The following CUL9 variants were observed in gnomAD, a reference collection of about 807,000 sequenced individuals.
CUL9 encodes cullin-9.
A neutral mutation model predicts 272.6 loss-of-function variants in CUL9; 79 were observed. The ratio of observed to expected loss-of-function variants is 0.29; its 90% confidence interval spans 0.24 to 0.35. The LOEUF is 0.35. CUL9 is among the 10% of genes least tolerant of loss of function. The pLI is 1.00. For synonymous variants in CUL9, 1,186 were observed against 1,286.5 expected (o/e 0.92, Z 1.67); for missense variants, 2,532 against 3,255.6 (o/e 0.78, Z 5.41).
chr6:43,191,291 T>TGC (rs57289315), intron 8 of CUL9, among the ~76,000 whole-genome samples: 6 of 145,852 alleles, frequency 4.1e-5, no homozygotes, highest in Admixed American at 2.7e-4. Flanking sequence ...TGTGTGTGTG[T>TGC]GCGTGTTGTT....
In CUL9 at chr6:43,205,332, G is replaced by C. The variant is rs372203322; in HGVS notation, c.4702G>C (p.Val1568Leu). The change falls in exon 24 of 41, where the codon GTG becomes CTG. Residue 1568 changes from valine (V) to leucine (L), a missense_variant. Val to Leu is a conservative substitution (Grantham distance 32). Around this residue, in one of 3 missense-constraint regions of CUL9, gnomAD observed 2,218 missense variants for 2,788.6 expected, o/e 0.80. Transcript: ENST00000252050. ...TGGCCTGATTGGTGGAGCCCCTGGA[G>C]TGGAAATGCTGGGGCAGCTTCAGCG... is the stretch of plus-strand genomic sequence containing the variant. ...QGGLIGGAPG[V>L]EMLGQLQRHL... 1 of 1,614,220 alleles carries C rather than the reference G, an allele frequency of 6.2e-7. No homozygotes were observed. Among genetic ancestry groups the C allele is most frequent in the Non-Finnish European group, 8.5e-7 (1 of 1,180,038 alleles).
chr6:43,186,989 C>G lies in CUL9; in HGVS notation c.1281C>G (p.Tyr427Ter). 1.2e-6 allele frequency: 2 copies of G among 1,614,116 alleles called. No individual in the cohort carries two copies. The highest frequency in any genetic ancestry group is 2.2e-5 in the South Asian group (2 of 91,086). The change falls in exon 5 of 41, where the codon TAC becomes TAG. Residue 427 changes from tyrosine (Y) to a stop codon, truncating the protein, a stop_gained. Transcript: ENST00000252050. LOFTEE classifies it high-confidence loss of function. ...TCTGGCAGTCGACAGGCCGCACTTA[C>G]TGGGTGCACTGGCACATGCTGGAGA... ...QVFWQSTGRT[Y>*]WVHWHMLEIL...
chr6:43,199,424 A>G lies in CUL9; in HGVS notation c.3156+53A>G. On this transcript the variant is annotated intron_variant, in intron 13 of 40. Coordinates refer to ENST00000252050, the MANE Select transcript of CUL9 (RefSeq NM_015089.4). The surrounding 1 kb of genome is among the most constrained non-coding windows in gnomAD (Gnocchi z 4.4). ...AGGGAAGGGCAGCATCTGGGGCACC[A>G]ACTCCTTGTGAGGCTCTGGAGGGCA... The G allele has an allele frequency of 7.0e-7, 1 of 1,424,414 alleles. No homozygotes were observed. Among genetic ancestry groups the G allele is most frequent in the Admixed American group, 1.7e-5 (1 of 59,496 alleles). The allele number at this position is 1,424,414 out of a possible 1,614,324, so 88.2% of individuals were successfully genotyped here.
At chr6:43,216,903 G>T (rs9357409) in intron 31 of CUL9, among the ~76,000 whole-genome samples, 11,953 of 152,208 alleles carry the variant, frequency 0.079, 713 homozygotes, top group African/African-American at 0.17. Flanking sequence ...AGAGATATAC[G>T]TGTAAAATAG....
Position 43,223,724 on chromosome 6 carries a change from G to A in CUL9, c.7284+327G>A. 2.0e-6 allele frequency: 1 copy of A among 497,888 alleles called. No individual in the cohort carries two copies. Among genetic ancestry groups the A allele is most frequent in the Non-Finnish European group, 3.6e-6 (1 of 275,502 alleles). The allele number at this position is 497,888 out of a possible 1,614,324, so 30.8% of individuals were successfully genotyped here. A position where few individuals can be genotyped will look rare whatever the true frequency, so the allele number is the denominator to read the frequency against. Reference sequence around the variant, plus strand: ...ATAGGGATTTGAAATCCTAAGAGTGGGCATCAGGGGATTGGGGTCACTGGA... The same window carrying A: ...ATAGGGATTTGAAATCCTAAGAGTGAGCATCAGGGGATTGGGGTCACTGGA... On this transcript the variant is annotated intron_variant, in intron 39 of 40. Coordinates refer to ENST00000252050, the MANE Select transcript of CUL9 (RefSeq NM_015089.4). The surrounding 1 kb of genome is among the most constrained non-coding windows in gnomAD (Gnocchi z 4.1).
chr6:43,205,874 G>A, intron 24 of CUL9, 133 bp from the exon 25 acceptor site: 2 of 685,924 alleles, frequency 2.9e-6, no homozygotes, highest in East Asian at 2.7e-5. Context: ...TTGGTGGAAA[G>A]GGAGTGGGAA....
rs544052404 is a variant in CUL9, at chr6:43,215,421, G to T, written c.5936+95G>T. 9 of 1,473,332 alleles carry T rather than the reference G, an allele frequency of 6.1e-6. No individual in the cohort carries two copies. The South Asian group carries it at 1.1e-4, about 18-fold the overall frequency. 91.3% of individuals were successfully genotyped at this position (1,473,332 alleles called of 1,614,324 possible). A position where few individuals can be genotyped will look rare whatever the true frequency, so the allele number is the denominator to read the frequency against. ...GGAGAAACACTTCCCTTCTTTCTTT[G>T]TCTGATCCCCTTTTCCCTATCCCTG... On this transcript the variant is annotated intron_variant, in intron 30 of 40. Transcript: ENST00000252050.
chr6:43,204,768 C>G lies in CUL9; in HGVS notation c.4360C>G (p.Arg1454Gly). ...TRPFSKNSKG[R>G]DRSPAPSPVL... ...TACAGTCAGCAAGAACAGCAAGGGTCGGGACCGGAGCCCGGCGCCTTCGCC... is the reference window on the plus strand; with the variant it reads ...TACAGTCAGCAAGAACAGCAAGGGTGGGGACCGGAGCCCGGCGCCTTCGCC... Residue 1454 changes from arginine to glycine, a missense_variant, in exon 22 of 41, where the codon CGG (arginine) becomes GGG (glycine). Around this residue, in one of 3 missense-constraint regions of CUL9, gnomAD observed 2,218 missense variants for 2,788.6 expected, o/e 0.80. Coordinates refer to ENST00000252050, the MANE Select transcript of CUL9 (RefSeq NM_015089.4). 1 of 1,614,164 alleles carries G rather than the reference C, an allele frequency of 6.2e-7. No individual in the cohort carries two copies. Among genetic ancestry groups the G allele is most frequent in the Non-Finnish European group, 8.5e-7 (1 of 1,180,014 alleles).
At chr6:43,195,919 G>T in intron 9 of CUL9, 150 bp from the exon 10 acceptor site, 3 of 544,594 alleles carry the variant, frequency 5.5e-6, no homozygotes, top group Admixed American at 3.2e-5. Context: ...AGTATTTGAT[G>T]TCCCATCACT....
rs111785978 is a variant in CUL9 at position 43,213,353 on chromosome 6, C to T, written c.5358+59C>T. 8.7e-6 allele frequency: 14 copies of T among 1,609,964 alleles called. No individual in the cohort carries two copies. In the African/African-American group the frequency reaches 1.3e-4, roughly 15 times the overall value. ...TGCTACCTTATCTGTCGCTGTTCTC[C>T]TCCTAAACCCTGTTCCTCCTTCATC... On this transcript the variant is annotated intron_variant, in intron 27 of 40. Coordinates refer to ENST00000252050, the MANE Select transcript of CUL9 (RefSeq NM_015089.4). This position sits in a 1 kb window ranked among gnomAD's most constrained non-coding sequence, Gnocchi z 5.7.
At chr6:43,189,284 G>A (rs1773212056) in intron 8 of CUL9, among the ~76,000 whole-genome samples, 1 of 151,932 alleles carries the variant, frequency 6.6e-6, no homozygotes, top group Non-Finnish European at 1.5e-5. Flanking sequence ...CTGCCTCCCG[G>A]GTTCAAGGGA....
intron 21 of CUL9, 44 bp from the exon 22 acceptor site, chr6:43,204,704 A>G: frequency 3.1e-6 from 5 of 1,604,436 alleles, no homozygotes; most frequent in Non-Finnish European, 4.3e-6. Flanking sequence ...GTACTCACCC[A>G]GAGGCTGAGA....
Position 43,202,763 on chromosome 6 carries a change from C to A in CUL9, c.3695C>A (p.Ala1232Asp), listed in dbSNP as rs914591299. 4.3e-6 allele frequency: 7 copies of A among 1,614,158 alleles called. No individual in the cohort carries two copies. The highest frequency in any genetic ancestry group is 5.1e-6 in the Non-Finnish European group (6 of 1,180,012). Residue 1232 changes from alanine (A) to aspartate (D), a missense_variant, in exon 17 of 41, where the codon GCC becomes GAC. This residue lies in a region of CUL9 where 2,218 missense variants were observed against 2,788.6 expected (regional missense o/e 0.80). Transcript: ENST00000252050. Reference protein sequence around the residue: ...VASEDSSYMPARVVVFGGDST... With the variant: ...VASEDSSYMPDRVVVFGGDST... ...AGTGAGGACTCAAGCTACATGCCAG[C>A]CAGGGTGGTGGTGTTTGGGGGTGAC...
intron 8 of CUL9, among the ~76,000 whole-genome samples, chr6:43,190,475 C>T (rs2150533245): frequency 6.6e-6 from 1 of 151,766 alleles, no homozygotes; most frequent in East Asian, 1.9e-4. Flanking sequence ...TAGAATAATA[C>T]ATATGGTAAA....
rs770459037 is a variant in CUL9 at position 43,187,791 on chromosome 6, C to T, written c.1660C>T (p.Arg554Ter). 4 of 1,613,746 alleles carry T rather than the reference C, an allele frequency of 2.5e-6. No homozygotes were observed. Among genetic ancestry groups the T allele is most frequent in the Admixed American group, 3.3e-5 (2 of 59,974 alleles). ...AESLLQVLSS[R>*]FEGSTLNDLL... ...GAGTCTGCTGCAGGTTCTCAGTAGT[C>T]GATTTGAGGGCAGCACTCTCAATGA... is the stretch of plus-strand genomic sequence containing the variant. The change falls in exon 7 of 41, where the codon CGA becomes TGA. Residue 554 changes from arginine to a stop codon, truncating the protein, a stop_gained. Coordinates refer to ENST00000252050, the MANE Select transcript of CUL9 (RefSeq NM_015089.4). LOFTEE classifies it high-confidence loss of function.
rs1228320168 is a variant in CUL9 at position 43,213,671 on chromosome 6, T to C, written c.5489-42T>C. The C allele has an allele frequency of 1.2e-6, 2 of 1,608,232 alleles. No individual in the cohort carries two copies. Among genetic ancestry groups the C allele is most frequent in the South Asian group, 2.2e-5 (2 of 90,886 alleles). On this transcript the variant is annotated intron_variant, in intron 28 of 40. Coordinates refer to ENST00000252050, the MANE Select transcript of CUL9 (RefSeq NM_015089.4). This position sits in a 1 kb window ranked among gnomAD's most constrained non-coding sequence, Gnocchi z 5.7. ...GGTCATCTTAGTCCCCATTCATCTGTCCCTCTGCCTCCTCTGGTACCTGAC... is the reference window on the plus strand; with the variant it reads ...GGTCATCTTAGTCCCCATTCATCTGCCCCTCTGCCTCCTCTGGTACCTGAC...
rs377300098 is a variant in CUL9, at chr6:43,210,683, CTTTT to C, written c.5213-2464_5213-2461del. On this transcript the variant is annotated intron_variant, in intron 26 of 40. Transcript: ENST00000252050. ...TGTTTTTTGTTCAACCTGACAATCT[CTTTT>C]TAAGATGTCAATTTTAGCCTATTTA... Among the ~76,000 whole-genome samples the C allele has an allele frequency of 3.2e-4, 48 of 152,164 alleles. No homozygotes were observed. The East Asian group carries it at 8.3e-3, about 26-fold the overall frequency.
In CUL9 at chr6:43,214,280, C is replaced by T. The variant is rs1284319222; in HGVS notation, c.5688+368C>T. On this transcript the variant is annotated intron_variant, in intron 29 of 40. Transcript: ENST00000252050. ...ACCAAAAATATAAAAATTAGCTGGGCATGGTGGCACATGCCTGTAATCCCA... is the reference window on the plus strand; with the variant it reads ...ACCAAAAATATAAAAATTAGCTGGGTATGGTGGCACATGCCTGTAATCCCA... Among the ~76,000 whole-genome samples the T allele has an allele frequency of 3.2e-4, 49 of 152,012 alleles. 1 individual carries two copies. Among genetic ancestry groups the T allele is most frequent in the Admixed American group, 3.2e-3 (49 of 15,262 alleles).
At chr6:43,182,516 G>A (rs778520192) in intron 1 of CUL9, among the ~76,000 whole-genome samples, 1 of 150,356 alleles carries the variant, frequency 6.7e-6, no homozygotes, top group African/African-American at 2.5e-5. Flanking sequence ...TCATCCATGC[G>A]TCCAGAGCTC....
Sources: allele counts gnomAD v4.1 joint callset (sites outside exome capture counted in the v4.1 genomes callset), GRCh38; gene constraint gnomAD v4.1.1; regional missense constraint gnomAD v4.1.1; non-coding constraint Gnocchi (gnomAD v3.1); transcripts MANE v1.5; gene names NCBI Gene and HGNC (gene_info 2026-07-23, HGNC 2026-07-21).